The following CACNA1F variants were observed in gnomAD, a reference collection of about 807,000 sequenced individuals.
CACNA1F encodes calcium voltage-gated channel subunit alpha1 F, also known as voltage-dependent L-type calcium channel subunit alpha-1F.
In CACNA1F, 59 loss-of-function variants were observed where a neutral mutation model predicts 143.8. The ratio of observed to expected loss-of-function variants is 0.41; its 90% confidence interval spans 0.33 to 0.51. The LOEUF is 0.51. Ranked by LOEUF, CACNA1F falls within the 20% of genes least tolerant of loss-of-function variation. The pLI is 0.22. For synonymous variants in CACNA1F, 643 were observed against 649.1 expected (o/e 0.99, Z 0.14); for missense variants, 1,411 against 1,647.5 (o/e 0.86, Z 2.48).
At chrX:49,209,828 TAC>T in intron 40 of CACNA1F, 69 bp from the exon 41 acceptor site, 1 of 1,170,432 alleles carries the variant, frequency 8.5e-7, no homozygotes, top group Non-Finnish European at 1.2e-6. Flanking sequence ...GCCGCCTCTC[TAC>T]CCACCAGCAT....
At chrX:49,228,571 C>T in intron 6 of CACNA1F, 124 bp from the exon 7 acceptor site, 1 of 566,167 alleles carries the variant, frequency 1.8e-6, no homozygotes. Context: ...CTCTTTCTTT[C>T]TTTCTTTTTT....
chrX:49,208,419 T>TCCC, intron 43 of CACNA1F, 96 bp downstream of exon 43: 3 of 176,003 alleles, frequency 1.7e-5, no homozygotes, highest in Non-Finnish European at 3.3e-5. Flanking sequence ...AGGCCCTCCC[T>TCCC]CCCACCCCCC....
intron 14 of CACNA1F, 119 bp from the exon 15 acceptor site, chrX:49,223,255 G>A: frequency 2.0e-6 from 1 of 498,723 alleles, no homozygotes; most frequent in Non-Finnish European, 3.5e-6. Context: ...GGCTCAAATA[G>A]GCTTTGGTGT....
intron 43 of CACNA1F, among the ~76,000 whole-genome samples, chrX:49,208,188 ACT>A (rs1470940266): frequency 1.3e-5 from 1 of 77,201 alleles, no homozygotes; most frequent in Non-Finnish European, 2.5e-5. Context: ...ACAGAGCGGG[ACT>A]CTGTCTCAAA....
At chrX:49,207,858 G>T (rs1366432312) in intron 43 of CACNA1F, among the ~76,000 whole-genome samples, 1 of 109,405 alleles carries the variant, frequency 9.1e-6, no homozygotes, top group East Asian at 2.8e-4. Context: ...TAAGTGCTTT[G>T]TCATCCCCCT....
rs142071922 is a variant in CACNA1F, at chrX:49,206,120, C to T, written c.5473-307G>A. ...CTTCAGAAGGCTCTGAGGCCAGGCG[C>T]GGTGGCTTATGCCTGTAATCCCAGC... On this transcript the variant is annotated intron_variant, in intron 46 of 47. Transcript: ENST00000323022. 2.5e-3 allele frequency among the ~76,000 whole-genome samples: 279 copies of T among 110,725 alleles called. 2 individuals carry two copies. The highest frequency in any genetic ancestry group is 5.1e-3 in the African/African-American group (155 of 30,430).
At position 49,207,106 on chromosome X, in the gene CACNA1F, G is replaced by A. The variant is rs781805562; in HGVS notation, c.5130C>T (p.Gly1710=). ...PQAGSNTHRR[G]SGALIFTIPE... The stretch of plus-strand genomic sequence containing the variant: ...GGATGGTGAAAATGAGAGCCCCAGA[G>A]CCTCTCCTGGGGAAAGGGAGGCACG... Residue 1710 remains glycine, a synonymous_variant, in exon 44 of 48, where the codon GGC becomes GGT. Transcript: ENST00000323022. 3.6e-5 allele frequency: 42 copies of A among 1,160,708 alleles called. No homozygotes were observed. Among genetic ancestry groups the A allele is most frequent in the Non-Finnish European group, 4.9e-5 (42 of 857,820 alleles).
At position 49,230,474 on chromosome X, in the gene CACNA1F, C is replaced by T. The variant is rs2147924330; in HGVS notation, c.657G>A (p.Gly219=). ...RVLRPLRLVS[G]VPSLHIVLNS... Reference sequence around the variant, plus strand: ...GGGGGATGTGCCACTCACTCGGGACCCCAGACACCAGCCTCAGTGGCCGCA... The same window carrying T: ...GGGGGATGTGCCACTCACTCGGGACTCCAGACACCAGCCTCAGTGGCCGCA... Residue 219 remains glycine (G), a synonymous_variant, in exon 5 of 48, where the codon GGG becomes GGA. Coordinates refer to ENST00000323022, the MANE Select transcript of CACNA1F (RefSeq NM_001256789.3). The T allele has an allele frequency of 8.3e-7, 1 of 1,209,625 alleles. No homozygotes were observed.
chrX:49,228,509 A>C (rs1036534842), intron 6 of CACNA1F, 62 bp from the exon 7 acceptor site: 197 of 916,449 alleles, frequency 2.1e-4, no homozygotes, highest in Non-Finnish European at 2.8e-4. Context: ...TGCCACCCTG[A>C]AGCCCCGCCC....
At position 49,208,646 on chromosome X, in the gene CACNA1F, G is replaced by A. The variant is rs371675126; in HGVS notation, c.4992C>T (p.Ser1664=). ...CGACAGGCAGAGACACAGAAATCCC[G>A]GAGCCCCGGCGAGCTGAGGGCTGGG... is the stretch of plus-strand genomic sequence containing the variant. ...MVSQPSARRG[S]GISVSLPVGD... is the part of the protein sequence containing the mutation. The change falls in exon 43 of 48, where the codon TCC becomes TCT. Residue 1664 remains serine, a synonymous_variant. Transcript: ENST00000323022. 8.3e-6 allele frequency: 10 copies of A among 1,208,783 alleles called. No homozygotes were observed. Among genetic ancestry groups the A allele is most frequent in the African/African-American group, 5.3e-5 (3 of 56,805 alleles).
chrX:49,218,721 C>T lies in CACNA1F; in HGVS notation c.2748G>A (p.Gly916=). Residue 916 remains glycine, a synonymous_variant, in exon 23 of 48, where the codon GGG becomes GGA. Coordinates refer to ENST00000323022, the MANE Select transcript of CACNA1F (RefSeq NM_001256789.3). The part of the protein sequence containing the change: ...VEILLKMTVF[G]AFLHRGSFCR... Reference sequence around the variant, plus strand: ...AGAAGGAGCCGCGGTGCAGGAAGGCCCCAAACACTGTCATCTGGGGACAGG... The same window carrying T: ...AGAAGGAGCCGCGGTGCAGGAAGGCTCCAAACACTGTCATCTGGGGACAGG... 1 of 1,175,668 alleles carries T rather than the reference C, an allele frequency of 8.5e-7. No homozygotes were observed. The highest frequency in any genetic ancestry group is 2.5e-4 in the Middle Eastern group (1 of 4,068).
At chrX:49,225,609 C>T (rs782150960) in intron 13 of CACNA1F, among the ~76,000 whole-genome samples, 2 of 111,474 alleles carry the variant, frequency 1.8e-5, no homozygotes, top group Admixed American at 9.5e-5. Flanking sequence ...AGTCGCTTAA[C>T]CCCTCAGTGC....
Position 49,212,598 on chromosome X carries a change from G to A in CACNA1F, c.3942+69C>T. The A allele has an allele frequency of 4.6e-6, 5 of 1,092,407 alleles. No individual in the cohort carries two copies. In the East Asian group the frequency reaches 1.2e-4, roughly 27 times the overall value. The allele number at this position is 1,092,407 out of a possible 1,213,427, so 90.0% of individuals were successfully genotyped here. A position where few individuals can be genotyped will look rare whatever the true frequency, so the allele number is the denominator to read the frequency against. Reference sequence around the variant, plus strand: ...GTTGGGAGATGTAGTTCTGAGGGTGGTAAAGGGGCAGGCTGAGAAGTGTGA... The same window carrying A: ...GTTGGGAGATGTAGTTCTGAGGGTGATAAAGGGGCAGGCTGAGAAGTGTGA... On this transcript the variant is annotated intron_variant, in intron 33 of 47. Coordinates refer to ENST00000323022, the MANE Select transcript of CACNA1F (RefSeq NM_001256789.3).
chrX:49,207,149 C>T (rs1557105143), intron 43 of CACNA1F, 37 bp from the exon 44 acceptor site: 1 of 841,981 alleles, frequency 1.2e-6, no homozygotes, highest in East Asian at 3.4e-5. Context: ...GACCAGATCC[C>T]TCAATATGTG....
intron 12 of CACNA1F, 50 bp downstream of exon 12, chrX:49,226,167 G>T (rs373091275): frequency 8.7e-7 from 1 of 1,147,686 alleles, no homozygotes; most frequent in African/African-American, 1.8e-5. Flanking sequence ...TTGGAGGTGG[G>T]GGGTTTCAAA....
rs190434065 is a variant in CACNA1F, at chrX:49,215,559, G to C, written c.3237-16C>G. 9.8e-3 allele frequency: 10,690 copies of C among 1,087,246 alleles called. 929 individuals are homozygous for C. In the Admixed American group the frequency reaches 0.22, roughly 22 times the overall value. 89.6% of individuals were successfully genotyped at this position (1,087,246 alleles called of 1,213,427 possible). On this transcript the variant is annotated splice_polypyrimidine_tract_variant and intron_variant, in intron 27 of 47. Transcript: ENST00000323022. Reference sequence around the variant, plus strand: ...GTATAGCAGTCTGTGGGAGCCAGAGGGGGGGTAGAGGTGGGGGCAGGTGAG... The same window carrying C: ...GTATAGCAGTCTGTGGGAGCCAGAGCGGGGGTAGAGGTGGGGGCAGGTGAG...
rs1269017517 is a variant in CACNA1F, at chrX:49,210,137, C to T, written c.4589-95G>A. Reference sequence around the variant, plus strand: ...GTGGGGGGAACTTCACAAGCTGCTACCGCAGATGCACACCGCCCCCATTGG... The same window carrying T: ...GTGGGGGGAACTTCACAAGCTGCTATCGCAGATGCACACCGCCCCCATTGG... On this transcript the variant is annotated intron_variant, in intron 39 of 47. Coordinates refer to ENST00000323022, the MANE Select transcript of CACNA1F (RefSeq NM_001256789.3). The T allele has an allele frequency of 4.2e-6, 3 of 706,162 alleles. No individual in the cohort carries two copies. In the African/African-American group the frequency reaches 6.3e-5, roughly 15 times the overall value. The allele number at this position is 706,162 out of a possible 1,213,427, so 58.2% of individuals were successfully genotyped here. A position where few individuals can be genotyped will look rare whatever the true frequency, so the allele number is the denominator to read the frequency against.
At chrX:49,230,659 C>A (rs782233734) in intron 4 of CACNA1F, 50 bp from the exon 5 acceptor site, 14 of 1,128,462 alleles carry the variant, frequency 1.2e-5, no homozygotes, top group Admixed American at 8.2e-5. Flanking sequence ...CTTGGGATTC[C>A]CCCCTCCACC....
intron 12 of CACNA1F, 66 bp downstream of exon 12, chrX:49,226,151 G>A (rs781981253): frequency 1.8e-6 from 2 of 1,108,939 alleles, no homozygotes; most frequent in East Asian, 3.0e-5. Flanking sequence ...CAAAGGTCAT[G>A]AGGGCTTGGA....
Sources: allele counts gnomAD v4.1 joint callset (sites outside exome capture counted in the v4.1 genomes callset), GRCh38; gene constraint gnomAD v4.1.1; transcripts MANE v1.5; gene names NCBI Gene and HGNC (gene_info 2026-07-23, HGNC 2026-07-21).